The following INPP4B variants were observed in gnomAD, a reference collection of about 807,000 sequenced individuals.
The protein encoded by INPP4B is inositol polyphosphate 4-phosphatase type II.
INPP4B carries 55 observed loss-of-function variants against 122.5 expected under a neutral mutation model. The observed-to-expected ratio is 0.45, with a 90% CI of 0.36 to 0.56. INPP4B has a LOEUF of 0.56. Among genes scored for constraint, INPP4B ranks in the 20% least tolerant of loss-of-function variants. The pLI, the probability that INPP4B is intolerant of heterozygous loss-of-function variation, is 0.00. For synonymous variants in INPP4B, 403 were observed against 388.7 expected, an observed-to-expected ratio of 1.04 and a Z score of -0.43; for missense variants, 1,000 against 1,097.7, an observed-to-expected ratio of 0.91 and a Z score of 1.26.
intron 2 of INPP4B, among the ~76,000 whole-genome samples, chr4:142,504,486 T>C (rs1823760228): frequency 1.3e-5 from 2 of 152,306 alleles, no homozygotes; most frequent in East Asian, 1.9e-4. Flanking sequence ...CTTTTCTATA[T>C]GCCCTATAGA....
At chr4:142,776,406 A>G (rs989089456) in intron 1 of INPP4B, among the ~76,000 whole-genome samples, 2 of 152,156 alleles carry the variant, frequency 1.3e-5, no homozygotes, top group Non-Finnish European at 2.9e-5. Flanking sequence ...CATAAGTGAC[A>G]ACACTGTTGG....
chr4:142,602,127 CAA>C (rs1365645466), intron 2 of INPP4B, among the ~76,000 whole-genome samples: 1 of 152,004 alleles, frequency 6.6e-6, no homozygotes, highest in Admixed American at 6.6e-5. Flanking sequence ...GCAAATTCAG[CAA>C]AGTCTCAGGA....
intron 11 of INPP4B, among the ~76,000 whole-genome samples, chr4:142,239,057 T>C (rs1467056456): frequency 6.6e-6 from 1 of 152,150 alleles, no homozygotes; most frequent in Non-Finnish European, 1.5e-5. Flanking sequence ...CTTCTCAATG[T>C]ACAGGGAAAA....
chr4:142,276,967 G>A (rs184904269), intron 9 of INPP4B, among the ~76,000 whole-genome samples: 1 of 151,970 alleles, frequency 6.6e-6, no homozygotes, highest in Admixed American at 6.6e-5. Context: ...AACAAGGTTG[G>A]CATCTTGCAA....
intron 2 of INPP4B, among the ~76,000 whole-genome samples, chr4:142,567,085 T>G (rs912129980): frequency 6.6e-6 from 1 of 152,210 alleles, no homozygotes; most frequent in African/African-American, 2.4e-5. Context: ...GTAGGTTAGA[T>G]GGGAAAGACA....
intron 7 of INPP4B, among the ~76,000 whole-genome samples, chr4:142,390,799 TTAAC>T (rs1797426160): frequency 6.6e-6 from 1 of 151,792 alleles, no homozygotes; most frequent in South Asian, 2.1e-4. Flanking sequence ...AATTGTGTCT[TTAAC>T]TACGACTATT....
intron 7 of INPP4B, among the ~76,000 whole-genome samples, chr4:142,315,344 A>G (rs1365627875): frequency 6.6e-6 from 1 of 152,196 alleles, no homozygotes; most frequent in East Asian, 1.9e-4. Context: ...AACAGATATC[A>G]TCATCTGAAT....
In INPP4B at chr4:142,294,414, C is replaced by G. The variant is rs141229399; in HGVS notation, c.503+11044G>C. 3.9e-5 allele frequency among the ~76,000 whole-genome samples: 6 copies of G among 152,068 alleles called. No homozygotes were observed. The South Asian group carries it at 1.0e-3, about 26-fold the overall frequency. Reference sequence around the variant, plus strand: ...GCTGTGGTGGGGGATGGTGACTAGACCTTCTCACTGACATGCCTGGAGACT... The same window carrying G: ...GCTGTGGTGGGGGATGGTGACTAGAGCTTCTCACTGACATGCCTGGAGACT... On this transcript the variant is annotated intron_variant, in intron 9 of 25. Transcript: ENST00000262992.
At chr4:142,403,335 G>T (rs996588623) in intron 6 of INPP4B, among the ~76,000 whole-genome samples, 1 of 151,910 alleles carries the variant, frequency 6.6e-6, no homozygotes, top group African/African-American at 2.4e-5. Context: ...CTTCTTTAGG[G>T]TTAGTTAATT....
chr4:142,817,707 A>C (rs1355586609), intron 1 of INPP4B, among the ~76,000 whole-genome samples: 3 of 152,202 alleles, frequency 2.0e-5, no homozygotes, highest in Non-Finnish European at 4.4e-5. Flanking sequence ...CCAGGAAGTC[A>C]GCTTTCAACT....
intron 2 of INPP4B, among the ~76,000 whole-genome samples, chr4:142,481,438 T>TG (rs1217537172): frequency 6.6e-6 from 1 of 152,130 alleles, no homozygotes; most frequent in Non-Finnish European, 1.5e-5. Context: ...CTGAGAGGAA[T>TG]CCCTCTAATG....
At chr4:142,029,434 C>T (rs1440120467) in intron 25 of INPP4B, 6 of 985,832 alleles carry the variant, frequency 6.1e-6, no homozygotes, top group African/African-American at 1.7e-5. Context: ...GGCCAAGTCT[C>T]AGCTTTATAA....
At chr4:142,432,383 T>A (rs922784836) in intron 3 of INPP4B, among the ~76,000 whole-genome samples, 1 of 152,030 alleles carries the variant, frequency 6.6e-6, no homozygotes, top group African/African-American at 2.4e-5. Context: ...TTTAAAAAAA[T>A]CTGGCAGAAA....
chr4:142,247,293 A>T (rs1220962516), intron 11 of INPP4B, among the ~76,000 whole-genome samples: 1 of 152,092 alleles, frequency 6.6e-6, no homozygotes, highest in East Asian at 1.9e-4. Flanking sequence ...TTGTATCAGG[A>T]TGATGCTGGC....
chr4:142,422,992 C>A (rs944624111), intron 5 of INPP4B, among the ~76,000 whole-genome samples: 1 of 152,014 alleles, frequency 6.6e-6, no homozygotes, highest in African/African-American at 2.4e-5. Context: ...AGAATAAATG[C>A]AAAAATATAC....
At chr4:142,605,730 G>A (rs545702010) in intron 2 of INPP4B, among the ~76,000 whole-genome samples, 1 of 151,842 alleles carries the variant, frequency 6.6e-6, no homozygotes, top group Admixed American at 6.6e-5. Flanking sequence ...ATTACAGTGA[G>A]ACATCATCTC....
intron 1 of INPP4B, among the ~76,000 whole-genome samples, chr4:142,769,979 T>C (rs141473013): frequency 2.6e-4 from 40 of 152,268 alleles, no homozygotes; most frequent in African/African-American, 9.6e-4. Flanking sequence ...ACGTTGGGTA[T>C]TATTACTCAT....
chr4:142,076,194 A>G (rs889291049), intron 25 of INPP4B, among the ~76,000 whole-genome samples: 4 of 152,064 alleles, frequency 2.6e-5, no homozygotes, highest in Non-Finnish European at 5.9e-5. Flanking sequence ...TTTTCTGTCA[A>G]TAGAATACTA....
chr4:142,499,734 T>C (rs532572145), intron 2 of INPP4B, among the ~76,000 whole-genome samples: 7 of 152,266 alleles, frequency 4.6e-5, no homozygotes, highest in African/African-American at 1.7e-4. Flanking sequence ...AAGATACCAA[T>C]TACTAATTCA....
Sources: gnomAD v4.1 joint callset for allele counts (sites outside exome capture counted in the v4.1 genomes callset) on GRCh38, gnomAD v4.1.1 for gene constraint, MANE v1.5 for transcripts, NCBI Gene and HGNC (gene_info 2026-07-23, HGNC 2026-07-21) for gene names.